The following MAP3K5 variants were observed in gnomAD, a reference collection of about 807,000 sequenced individuals.
MAP3K5 encodes mitogen-activated protein kinase kinase kinase 5, also known as ASK-1.
MAP3K5 carries 56 observed loss-of-function variants against 158.7 expected under a neutral mutation model. The ratio of observed to expected loss-of-function variants is 0.35; its 90% CI spans 0.28 to 0.44. MAP3K5 has a LOEUF of 0.44. Ranked by LOEUF, MAP3K5 falls within the 20% of genes least tolerant of loss-of-function variation. The pLI is 1.00. For synonymous variants in MAP3K5, 579 were observed against 601.7 expected (o/e 0.96, Z 0.55); for missense variants, 1,294 against 1,674.8 (o/e 0.77, Z 3.97).
At chr6:136,617,578 C>CTTTAAAAGTAGAGCTTG (rs1776619687) in intron 15 of MAP3K5, among the ~76,000 whole-genome samples, 2 of 152,102 alleles carry the variant, frequency 1.3e-5, no homozygotes, top group Non-Finnish European at 2.9e-5. Context: ...GCTTGAGCAT[C>CTTTAAAAGTAGAGCTTG]AGTATTTTTA....
In MAP3K5 at chr6:136,761,984, A is replaced by G. The variant is rs560043704; in HGVS notation, c.448+29726T>C. The stretch of plus-strand genomic sequence containing the variant: ...TAACCAGACAGCAATCCTGCCGAAA[A>G]TTAAAATGAGTAGAGCGTCTGTTCA... On this transcript the variant is annotated intron_variant, in intron 1 of 29. Coordinates refer to ENST00000359015, the MANE Select transcript of MAP3K5 (RefSeq NM_005923.4). Among the ~76,000 whole-genome samples, 92 of 152,350 alleles carry G rather than the reference A, an allele frequency of 6.0e-4. 1 individual carries two copies. Among genetic ancestry groups the G allele is most frequent in the African/African-American group, 2.1e-3 (89 of 41,592 alleles).
At chr6:136,741,459 G>A (rs1257858595) in intron 1 of MAP3K5, among the ~76,000 whole-genome samples, 2 of 150,966 alleles carry the variant, frequency 1.3e-5, no homozygotes, top group Non-Finnish European at 2.9e-5. Context: ...TGAATAAGAT[G>A]TTGATAATTT....
At chr6:136,741,183 T>C (rs1403516086) in intron 1 of MAP3K5, among the ~76,000 whole-genome samples, 1 of 152,182 alleles carries the variant, frequency 6.6e-6, no homozygotes. Flanking sequence ...AAAAATATAA[T>C]ATATTTAGTC....
chr6:136,572,436 T>C (rs1380982090), intron 25 of MAP3K5, among the ~76,000 whole-genome samples: 1 of 152,140 alleles, frequency 6.6e-6, no homozygotes, highest in Non-Finnish European at 1.5e-5. Context: ...TTTTGTATTT[T>C]TGTAGAGATG....
intron 23 of MAP3K5, among the ~76,000 whole-genome samples, chr6:136,586,212 G>T (rs902562160): frequency 1.3e-5 from 2 of 152,168 alleles, no homozygotes; most frequent in African/African-American, 4.8e-5. Flanking sequence ...AAGATTCACA[G>T]GCAAAATCAT....
intron 14 of MAP3K5, among the ~76,000 whole-genome samples, chr6:136,635,842 C>T (rs1777607827): frequency 6.6e-6 from 1 of 151,882 alleles, no homozygotes; most frequent in South Asian, 2.1e-4. Flanking sequence ...GTGATTGTGC[C>T]ACTGCACTCC....
At chr6:136,593,574 T>A (rs1439697764) in intron 21 of MAP3K5, 1 of 319,330 alleles carries the variant, frequency 3.1e-6, no homozygotes, top group Non-Finnish European at 6.1e-6. Flanking sequence ...TGTATATGTA[T>A]GCCTGAACAG....
At chr6:136,610,606 A>T (rs1411841495) in intron 18 of MAP3K5, among the ~76,000 whole-genome samples, 1 of 151,296 alleles carries the variant, frequency 6.6e-6, no homozygotes, top group Non-Finnish European at 1.5e-5. Context: ...ATAAAAAAAA[A>T]AAAAAAAAAA....
At position 136,558,909 on chromosome 6, in the gene MAP3K5, T is replaced by C. The variant is rs201205250; in HGVS notation, c.3988-33A>G. On this transcript the variant is annotated intron_variant, in intron 28 of 29. Coordinates refer to ENST00000359015, the MANE Select transcript of MAP3K5 (RefSeq NM_005923.4). ...GAAAGTAGAATATGCACAAAAGATG[T>C]TTTATATAACTTTAATAAAGCACAA... 168 of 1,088,466 alleles carry C rather than the reference T, an allele frequency of 1.5e-4. No individual in the cohort carries two copies. The African/African-American group carries it at 2.2e-3, about 14-fold the overall frequency. The allele number at this position is 1,088,466 out of a possible 1,614,324, so 67.4% of individuals were successfully genotyped here.
At chr6:136,727,709 C>A (rs964260332) in intron 1 of MAP3K5, among the ~76,000 whole-genome samples, 8 of 152,260 alleles carry the variant, frequency 5.3e-5, no homozygotes, top group South Asian at 2.1e-4. Context: ...ACCTGTAATC[C>A]CAGCACTTTG....
chr6:136,604,271 G>C (rs759878918), intron 19 of MAP3K5, among the ~76,000 whole-genome samples: 6 of 151,148 alleles, frequency 4.0e-5, no homozygotes, highest in Non-Finnish European at 8.8e-5. Flanking sequence ...GCAGTGAGCC[G>C]AGATCGCGCC....
At chr6:136,623,068 C>T in intron 14 of MAP3K5, 87 bp from the exon 15 acceptor site, 6 of 1,291,874 alleles carry the variant, frequency 4.6e-6, no homozygotes, top group Non-Finnish European at 5.5e-6. Context: ...GAGCATTATT[C>T]CTTATCTTAT....
intron 7 of MAP3K5, among the ~76,000 whole-genome samples, chr6:136,676,440 T>C (rs1779705444): frequency 6.6e-6 from 1 of 152,220 alleles, no homozygotes; most frequent in Non-Finnish European, 1.5e-5. Context: ...CATATCACTT[T>C]CACTGTGTTA....
At chr6:136,659,436 GT>G in intron 8 of MAP3K5, 58 bp from the exon 9 acceptor site, 4 of 1,491,204 alleles carry the variant, frequency 2.7e-6, no homozygotes, top group Non-Finnish European at 1.8e-6. Context: ...GTAGAACCAG[GT>G]TTTCACTAAA....
intron 19 of MAP3K5, 142 bp from the exon 20 acceptor site, chr6:136,602,121 A>G (rs1195699592): frequency 1.5e-6 from 1 of 660,566 alleles, no homozygotes; most frequent in Non-Finnish European, 2.6e-6. Flanking sequence ...TCAAAGGGAG[A>G]TAAGATGTGT....
At chr6:136,694,057 T>C (rs1780498233) in intron 7 of MAP3K5, 83 bp downstream of exon 7, 1 of 1,001,024 alleles carries the variant, frequency 1.0e-6, no homozygotes, top group African/African-American at 1.6e-5. Context: ...ATTATAATAA[T>C]ACTTTAACAC....
At chr6:136,675,720 G>A (rs552559439) in intron 7 of MAP3K5, among the ~76,000 whole-genome samples, 5 of 151,994 alleles carry the variant, frequency 3.3e-5, no homozygotes, top group South Asian at 4.2e-4. Flanking sequence ...TCTAGTAAAC[G>A]AACAGCATAT....
At chr6:136,643,540 G>C (rs535845599) in intron 11 of MAP3K5, among the ~76,000 whole-genome samples, 68 of 152,186 alleles carry the variant, frequency 4.5e-4, no homozygotes, top group Non-Finnish European at 9.4e-4. Flanking sequence ...TTGTGGCTCT[G>C]AGGTGGCCTA....
At chr6:136,632,809 G>A (rs1443856198) in intron 14 of MAP3K5, among the ~76,000 whole-genome samples, 2 of 152,108 alleles carry the variant, frequency 1.3e-5, no homozygotes, top group Non-Finnish European at 2.9e-5. Flanking sequence ...GAAGAACAAT[G>A]GAGACCAAGG....
Sources: allele counts gnomAD v4.1 joint callset (sites outside exome capture counted in the v4.1 genomes callset), GRCh38; gene constraint gnomAD v4.1.1; transcripts MANE v1.5; gene names NCBI Gene and HGNC (gene_info 2026-07-23, HGNC 2026-07-21).